The following PCM1 variants were observed in gnomAD, a reference collection of about 807,000 sequenced individuals.
PCM1 encodes pericentriolar material 1 protein.
Under a neutral mutation model 241.9 loss-of-function variants are expected in PCM1, and 157 were observed. The observed-to-expected ratio is 0.65, with a 90% CI of 0.57 to 0.74. The LOEUF (loss-of-function observed/expected upper bound fraction) is 0.74, where lower values mean the gene tolerates loss of function less well. Among genes scored for constraint, PCM1 ranks in the 30% least tolerant of loss-of-function variants. The pLI is 0.00. For synonymous variants in PCM1, 1,085 were observed against 784.9 expected (o/e 1.38, Z -6.39); for missense variants, 3,478 against 2,360.1 (o/e 1.47, Z -9.81).
chr8:17,930,979 C>T (rs1366560790), intron 2 of PCM1, among the ~76,000 whole-genome samples: 1 of 152,132 alleles, frequency 6.6e-6, no homozygotes, highest in Non-Finnish European at 1.5e-5. Flanking sequence ...CTTTTAAACA[C>T]ATTTGGTGTC....
rs560172622 is a variant in PCM1, at chr8:17,942,956, C to A, written c.783+3095C>A. On this transcript the variant is annotated intron_variant, in intron 6 of 38. Coordinates refer to ENST00000325083, the MANE Select transcript of PCM1 (RefSeq NM_006197.4). The stretch of plus-strand genomic sequence containing the variant: ...AGGTTGCAGCGAGCCGAGATCCTGC[C>A]ACTGTACTCCAGCTTGGGTGACAGA... 1.3e-4 allele frequency among the ~76,000 whole-genome samples: 20 copies of A among 149,528 alleles called. No individual in the cohort carries two copies. The South Asian group carries it at 4.2e-3, about 32-fold the overall frequency.
chr8:18,014,320 A>AATGGTAGATTTAAAAAAAAT (rs1554770743), intron 35 of PCM1, among the ~76,000 whole-genome samples: 1 of 151,694 alleles, frequency 6.6e-6, no homozygotes, highest in African/African-American at 2.4e-5. Context: ...TTAAAAAAAA[A>AATGGTAGATTTAAAAAAAAT]ATCTATTTGT....
At chr8:18,027,392 T>C (rs71526178) in intron 38 of PCM1, among the ~76,000 whole-genome samples, 1 of 151,982 alleles carries the variant, frequency 6.6e-6, no homozygotes, top group Non-Finnish European at 1.5e-5. Flanking sequence ...ATAGTTGTTT[T>C]CTTTTCATAG....
chr8:17,973,589 G>A (rs1332430056), intron 23 of PCM1, among the ~76,000 whole-genome samples: 3 of 151,850 alleles, frequency 2.0e-5, no homozygotes, highest in Non-Finnish European at 2.9e-5. Flanking sequence ...CATGGTGGGC[G>A]TGCCTGTAAT....
chr8:17,964,702 A>G lies in PCM1; in HGVS notation c.2789A>G (p.Asn930Ser). ...GAGCAAGATGCCAGTTCCAATGATA[A>G]CTTTTCTGTGTGTCCTTCTAACAGT... ...EEEQDASSND[N>S]FSVCPSNSVN... Residue 930 changes from asparagine to serine, a missense_variant, in exon 18 of 39, where the codon AAC becomes AGC. Coordinates refer to ENST00000325083, the MANE Select transcript of PCM1 (RefSeq NM_006197.4). 5 of 1,613,932 alleles carry G rather than the reference A, an allele frequency of 3.1e-6. No individual in the cohort carries two copies. The highest frequency in any genetic ancestry group is 4.2e-6 in the Non-Finnish European group (5 of 1,179,824).
In PCM1 at chr8:17,951,436, A is replaced by T. The variant is rs569500290; in HGVS notation, c.1071+712A>T. The stretch of plus-strand genomic sequence containing the variant: ...TGGGGCCTACTTTAGAGAAACTCTC[A>T]CATGTTCAGAAGGAGGTAGATGGAA... On this transcript the variant is annotated intron_variant, in intron 8 of 38. Transcript: ENST00000325083. 1.1e-3 allele frequency among the ~76,000 whole-genome samples: 161 copies of T among 152,334 alleles called. 1 individual carries two copies. The highest frequency in any genetic ancestry group is 3.6e-3 in the African/African-American group (150 of 41,564).
At chr8:17,942,184 A>G (rs1365058977) in intron 6 of PCM1, among the ~76,000 whole-genome samples, 1 of 152,142 alleles carries the variant, frequency 6.6e-6, no homozygotes, top group Non-Finnish European at 1.5e-5. Context: ...ATTTGTGTTT[A>G]TTAATTTAGA....
rs1325152823 is a variant in PCM1 at position 17,985,978 on chromosome 8, T to C, written c.4301T>C (p.Ile1434Thr). The change falls in exon 26 of 39, where the codon ATT (isoleucine) becomes ACT (threonine). Residue 1434 changes from isoleucine to threonine, a missense_variant. Physicochemically the swap from Ile to Thr is moderately conservative, Grantham distance 89. Transcript: ENST00000325083. ...YALQDIVSRH[I>T]SESHEKGENV... ...ATTTAGGACATAGTATCCAGACATA[T>C]TTCTGAGAGCCATGAAAAAGGAGAA... The C allele has an allele frequency of 1.3e-6, 2 of 1,570,974 alleles. No homozygotes were observed. The highest frequency in any genetic ancestry group is 1.7e-6 in the Non-Finnish European group (2 of 1,147,504).
In PCM1 at chr8:17,956,798, G is replaced by C. The variant is rs771965217; in HGVS notation, c.1646+21G>C. 1.6e-5 allele frequency: 26 copies of C among 1,578,426 alleles called. 1 individual carries two copies. The South Asian group carries it at 2.7e-4, about 17-fold the overall frequency. On this transcript the variant is annotated intron_variant, in intron 11 of 38. Coordinates refer to ENST00000325083, the MANE Select transcript of PCM1 (RefSeq NM_006197.4). The stretch of plus-strand genomic sequence containing the variant: ...ATTCGGTAAGAACTTTTCTGGGGAT[G>C]TTTTTCCAGCATATTCATTCTGTCT...
intron 2 of PCM1, among the ~76,000 whole-genome samples, chr8:17,931,018 CT>C (rs903285396): frequency 5.3e-5 from 8 of 152,200 alleles, no homozygotes; most frequent in Admixed American, 4.6e-4. Context: ...ATTCTACCCC[CT>C]ATGGCAATCA....
In PCM1 at chr8:17,953,060, C is replaced by T. The variant is rs1360191973; in HGVS notation, c.1162C>T (p.Arg388Cys). The change falls in exon 9 of 39, where the codon CGT becomes TGT. Residue 388 changes from arginine to cysteine, a missense_variant. By Grantham distance (180) the Arg-to-Cys change is radical (BLOSUM62 -3). Transcript: ENST00000325083. ...SQSRKPSASE[R>C]LPDEKVELFS... The stretch of plus-strand genomic sequence containing the variant: ...GAGCAGGAAACCATCAGCTTCAGAA[C>T]GTTTACCTGATGAGAAAGTCGAACT... 8 of 1,606,038 alleles carry T rather than the reference C, an allele frequency of 5.0e-6. No homozygotes were observed. The South Asian group carries it at 5.6e-5, about 11-fold the overall frequency.
At chr8:17,956,111 CACTT>C (rs3214086) in intron 10 of PCM1, among the ~76,000 whole-genome samples, 24,160 of 152,032 alleles carry the variant, frequency 0.16, 2,176 homozygotes, top group East Asian at 0.37. Context: ...CAGTTCCTGG[CACTT>C]ACAGTAAGAA....
At chr8:17,968,140 A>G (rs1451586443) in intron 21 of PCM1, among the ~76,000 whole-genome samples, 5 of 152,198 alleles carry the variant, frequency 3.3e-5, no homozygotes, top group African/African-American at 4.8e-5. Flanking sequence ...GGGCTTTCTA[A>G]TAGAACCACT....
At chr8:18,004,088 A>C (rs932037478) in intron 29 of PCM1, among the ~76,000 whole-genome samples, 4 of 151,962 alleles carry the variant, frequency 2.6e-5, no homozygotes, top group African/African-American at 9.7e-5. Context: ...ATGCTTAGGG[A>C]GTGCAGCCTT....
intron 1 of PCM1, among the ~76,000 whole-genome samples, chr8:17,924,084 C>T (rs1234143496): frequency 6.6e-6 from 1 of 151,958 alleles, no homozygotes; most frequent in South Asian, 2.1e-4. Context: ...AAGGAGCGGG[C>T]TTTCTGGGCG....
chr8:17,932,853 C>T (rs886928438), intron 2 of PCM1, among the ~76,000 whole-genome samples: 7 of 152,106 alleles, frequency 4.6e-5, no homozygotes, highest in Admixed American at 3.9e-4. Context: ...TGATATAAGG[C>T]AGCCTTTCTC....
At chr8:17,993,223 T>C (rs892582473) in intron 28 of PCM1, among the ~76,000 whole-genome samples, 14 of 152,076 alleles carry the variant, frequency 9.2e-5, no homozygotes, top group Non-Finnish European at 1.9e-4. Flanking sequence ...TGGTTTCAGG[T>C]ATTAGATTTT....
chr8:17,980,390 G>C, intron 23 of PCM1: 1 of 415,998 alleles, frequency 2.4e-6, no homozygotes, highest in East Asian at 3.5e-5. Flanking sequence ...GTGAAGGTTA[G>C]ATTTATTACT....
chr8:17,971,604 T>G (rs1033761809), intron 22 of PCM1, among the ~76,000 whole-genome samples: 2 of 152,218 alleles, frequency 1.3e-5, no homozygotes, highest in Non-Finnish European at 2.9e-5. Context: ...CCAATTGTAT[T>G]CACCAAATTC....
Sources: allele counts gnomAD v4.1 joint callset (sites outside exome capture counted in the v4.1 genomes callset), GRCh38; gene constraint gnomAD v4.1.1; transcripts MANE v1.5; gene names NCBI Gene and HGNC (gene_info 2026-07-23, HGNC 2026-07-21).